The following PREPL variants were observed in gnomAD, a reference collection of about 807,000 sequenced individuals.
The protein encoded by PREPL is prolyl endopeptidase like.
In PREPL, 77 loss-of-function variants were observed where a neutral mutation model predicts 70.6. The observed-to-expected ratio is 1.09, with a 90% CI of 0.91 to 1.32. The LOEUF is 1.32. Among genes scored for constraint, PREPL ranks in the 40% most tolerant of loss-of-function variants. The pLI is 0.00. For synonymous variants in PREPL, 315 were observed against 264.8 expected (o/e 1.19, Z -1.84); for missense variants, 1,002 against 778.2 (o/e 1.29, Z -3.42).
At chr2:44,339,862 T>C (rs1675025037) in intron 5 of PREPL, among the ~76,000 whole-genome samples, 1 of 152,160 alleles carries the variant, frequency 6.6e-6, no homozygotes, top group African/African-American at 2.4e-5. Flanking sequence ...TTTCTCTGCA[T>C]GCATTTTGGA....
chr2:44,332,721 C>T, intron 7 of PREPL, 65 bp from the exon 8 acceptor site: 1 of 1,305,826 alleles, frequency 7.7e-7, no homozygotes, highest in East Asian at 2.5e-5. Flanking sequence ...AATTAAATTT[C>T]TAAGTCTTCT....
intron 7 of PREPL, among the ~76,000 whole-genome samples, chr2:44,335,885 T>G (rs768927358): frequency 2.0e-5 from 3 of 150,730 alleles, no homozygotes; most frequent in Non-Finnish European, 3.0e-5. Context: ...CATAAAAAAG[T>G]GGGCAAAGGA....
Position 44,359,423 on chromosome 2 carries a change from T to G in PREPL, c.-49+1957A>C. The G allele has an allele frequency of 2.6e-6, 3 of 1,136,884 alleles. No homozygotes were observed. The South Asian group carries it at 4.6e-5, about 17-fold the overall frequency. 70.4% of individuals were successfully genotyped at this position (1,136,884 alleles called of 1,614,324 possible). ...CTGAGAAAATTAGTAGCTCTGATAT[T>G]CTACCCATTCTTTATTTTTAAATTA... is the stretch of plus-strand genomic sequence containing the variant. On this transcript the variant is annotated intron_variant, in intron 1 of 13. Coordinates refer to ENST00000409411, the MANE Select transcript of PREPL (RefSeq NM_001171613.2).
chr2:44,323,220 T>G, intron 11 of PREPL, 42 bp downstream of exon 11: 1 of 1,508,966 alleles, frequency 6.6e-7, no homozygotes, highest in Non-Finnish European at 8.9e-7. Context: ...TATTATCTTC[T>G]GTGTAAATTC....
At position 44,326,888 on chromosome 2, in the gene PREPL, G is replaced by A. The variant is rs778873576; in HGVS notation, c.1303C>T (p.Arg435Cys). Residue 435 changes from arginine to cysteine, a missense_variant, in exon 10 of 14, where the codon CGC becomes TGC. Transcript: ENST00000409411. ...ELGLQWHADG[R>C]LTKKLNGLAD... is the part of the protein sequence containing the mutation. The stretch of plus-strand genomic sequence containing the variant: ...AGGCCATTGAGTTTTTTAGTTAGGC[G>A]GCCATCAGCGTGCCACTGGAGGCCT... 9.3e-6 allele frequency: 15 copies of A among 1,614,084 alleles called. No homozygotes were observed. The East Asian group carries it at 1.3e-4, about 14-fold the overall frequency.
At chr2:44,329,140 AAAG>A (rs1477905035) in intron 8 of PREPL, 28 bp from the exon 9 acceptor site, 6 of 1,533,236 alleles carry the variant, frequency 3.9e-6, no homozygotes, top group African/African-American at 1.4e-5. Context: ...CTATGTATGT[AAAG>A]AAGAGTCTTT....
intron 2 of PREPL, 42 bp downstream of exon 2, chr2:44,346,226 G>C (rs1305364431): frequency 6.5e-7 from 1 of 1,545,762 alleles, no homozygotes; most frequent in Non-Finnish European, 8.9e-7. Flanking sequence ...ATCTTGATTG[G>C]TAATATCAAA....
intron 11 of PREPL, 47 bp downstream of exon 11, chr2:44,323,215 T>A: frequency 6.7e-7 from 1 of 1,492,116 alleles, no homozygotes; most frequent in Middle Eastern, 1.8e-4. Context: ...TTTTTTATTA[T>A]CTTCTGTGTA....
chr2:44,347,358 G>A (rs1239867090), intron 1 of PREPL: 1 of 152,082 alleles, frequency 6.6e-6, no homozygotes, highest in East Asian at 1.9e-4. Context: ...GGGAATTAAT[G>A]CCTAATGAAA....
chr2:44,330,889 C>G (rs1674020036), intron 8 of PREPL, among the ~76,000 whole-genome samples: 2 of 152,120 alleles, frequency 1.3e-5, no homozygotes, highest in Non-Finnish European at 2.9e-5. Context: ...CTCTCTACTC[C>G]TCACCCTGCC....
chr2:44,361,848 G>A (rs965281338), upstream of PREPL: 8 of 1,298,296 alleles, frequency 6.2e-6, no homozygotes, highest in African/African-American at 1.2e-4. Flanking sequence ...CCAAGGAGAT[G>A]CGAGTACCGG....
intron 9 of PREPL, 152 bp from the exon 10 acceptor site, chr2:44,327,080 G>A: frequency 1.5e-6 from 1 of 667,180 alleles, no homozygotes. Flanking sequence ...AACAAGGAAT[G>A]TGCAACAGAA....
chr2:44,341,769 T>A (rs181446608), intron 5 of PREPL, among the ~76,000 whole-genome samples: 4 of 151,976 alleles, frequency 2.6e-5, no homozygotes, highest in Non-Finnish European at 5.9e-5. Context: ...GTTAGTACTT[T>A]GGGTGTATTT....
At position 44,321,837 on chromosome 2, in the gene PREPL, G is replaced by A. The variant is rs778640593; in HGVS notation, c.1817C>T (p.Ser606Phe). The change falls in exon 13 of 14, where the codon TCT becomes TTT. Residue 606 changes from serine to phenylalanine, a missense_variant. Transcript: ENST00000409411. Reference protein sequence around the residue: ...QPGGNHVIEDSHKKITAQIKF... With the variant: ...QPGGNHVIEDFHKKITAQIKF... Reference sequence around the variant, plus strand: ...GCCTTGATAACATACCTTTTTGTGAGAATCCTCAATTACATGATTGCCTCC... The same window carrying A: ...GCCTTGATAACATACCTTTTTGTGAAAATCCTCAATTACATGATTGCCTCC... 6.2e-7 allele frequency: 1 copy of A among 1,613,662 alleles called. No individual in the cohort carries two copies. Among genetic ancestry groups the A allele is most frequent in the African/African-American group, 1.3e-5 (1 of 74,998 alleles).
chr2:44,349,680 C>T (rs924090064), intron 1 of PREPL, among the ~76,000 whole-genome samples: 8 of 152,070 alleles, frequency 5.3e-5, no homozygotes, highest in South Asian at 2.1e-4. Flanking sequence ...AAAAAGAATA[C>T]GAGGCCGGGC....
In PREPL at chr2:44,359,965, A is replaced by G. The variant is rs925802093; in HGVS notation, c.-49+1415T>C. ...ATAATTCTTGGCAGATGTGACTTAA[A>G]TGTCTCATTTGTAAAGTTAATCCTA... On this transcript the variant is annotated intron_variant, in intron 1 of 13. Transcript: ENST00000409411. The G allele has an allele frequency of 3.6e-4, 160 of 446,762 alleles. 1 individual carries two copies. Among genetic ancestry groups the G allele is most frequent in the African/African-American group, 3.0e-3 (151 of 50,834 alleles). 27.7% of individuals were successfully genotyped at this position (446,762 alleles called of 1,614,324 possible).
chr2:44,359,704 C>A lies in PREPL; in HGVS notation c.-49+1676G>T. The A allele has an allele frequency of 1.9e-6, 3 of 1,609,250 alleles. No individual in the cohort carries two copies. In the South Asian group the frequency reaches 3.3e-5, roughly 18 times the overall value. On this transcript the variant is annotated intron_variant, in intron 1 of 13. Transcript: ENST00000409411. ...TCAAAGCTTGGAGAAATAATTTGGT[C>A]TTCTGCTGCATGATATCAAAGTCCC...
Position 44,320,919 on chromosome 2 carries a change from G to A in PREPL, c.*437C>T, listed in dbSNP as rs558787683. 8.1e-5 allele frequency: 36 copies of A among 443,900 alleles called. No homozygotes were observed. In the South Asian group the frequency reaches 8.3e-4, roughly 10 times the overall value. 27.5% of individuals were successfully genotyped at this position (443,900 alleles called of 1,614,324 possible). On this transcript the variant is annotated 3_prime_UTR_variant, in exon 14 of 14. Coordinates refer to ENST00000409411, the MANE Select transcript of PREPL (RefSeq NM_001171613.2). ...CCCCAGATTATTCAAAAACTTTAAC[G>A]AATTTTAAGGGGAAGAATTTTATCT...
At position 44,326,936 on chromosome 2, in the gene PREPL, T is replaced by A. The variant is rs1213317089; in HGVS notation, c.1263-8A>T. The A allele has an allele frequency of 6.2e-7, 1 of 1,613,056 alleles. No homozygotes were observed. Among genetic ancestry groups the A allele is most frequent in the South Asian group, 1.1e-5 (1 of 90,992 alleles). On this transcript the variant is annotated splice_polypyrimidine_tract_variant and splice_region_variant and intron_variant, in intron 9 of 13. Coordinates refer to ENST00000409411, the MANE Select transcript of PREPL (RefSeq NM_001171613.2). ...CCTAACTCACCACCACCTCTGAAATTGAAGGGCAAAAAAGTTTTAGTGGAA... is the reference window on the plus strand; with the variant it reads ...CCTAACTCACCACCACCTCTGAAATAGAAGGGCAAAAAAGTTTTAGTGGAA...
Sources: allele counts gnomAD v4.1 joint callset (sites outside exome capture counted in the v4.1 genomes callset), GRCh38; gene constraint gnomAD v4.1.1; transcripts MANE v1.5; gene names NCBI Gene and HGNC (gene_info 2026-07-23, HGNC 2026-07-21).